RARB: variants seen among roughly 807,000 people sequenced by gnomAD.
RARB encodes HBV-activated protein.
A neutral mutation model predicts 51.9 loss-of-function variants in RARB; 17 were observed. The ratio of observed to expected loss-of-function variants is 0.33; its 90% CI spans 0.22 to 0.49. The LOEUF is 0.49. Among genes scored for constraint, RARB ranks in the 20% least tolerant of loss-of-function variants. The probability of loss-of-function intolerance (pLI) is 0.99; values close to 1 mark genes in which losing one functional copy is unlikely to be tolerated. For synonymous variants in RARB, 215 were observed against 195.4 expected, an observed-to-expected ratio of 1.10 and a Z score of -0.84; for missense variants, 369 against 550.8, an observed-to-expected ratio of 0.67 and a Z score of 3.30.
At chr3:25,151,412 G>C (rs373042040) in intron 4 of RARB, among the ~76,000 whole-genome samples, 1 of 152,174 alleles carries the variant, frequency 6.6e-6, no homozygotes, top group East Asian at 1.9e-4. Flanking sequence ...CCAGGGCAGG[G>C]AAAGACATTA....
intron 5 of RARB, among the ~76,000 whole-genome samples, chr3:25,208,255 A>C (rs766845902): frequency 6.6e-6 from 1 of 152,244 alleles, no homozygotes; most frequent in South Asian, 2.1e-4. Flanking sequence ...TATTGTTCTG[A>C]ATGAGACGCT....
At chr3:25,360,086 C>A (rs1705880338) in intron 5 of RARB, among the ~76,000 whole-genome samples, 1 of 152,120 alleles carries the variant, frequency 6.6e-6, no homozygotes, top group Non-Finnish European at 1.5e-5. Context: ...GTTAAAGTTT[C>A]CCAATATTAT....
rs1697849199 is a variant in RARB at position 25,030,545 on chromosome 3, A to G, written c.-379-29580A>G. 2.6e-5 allele frequency among the ~76,000 whole-genome samples: 4 copies of G among 152,244 alleles called. No homozygotes were observed. The South Asian group carries it at 8.3e-4, about 31-fold the overall frequency. The stretch of plus-strand genomic sequence containing the variant: ...TGAGGTTTAATTTAGTTAAAAGTTT[A>G]TAATTTGTATTATGTTATCTCATGC... On this transcript the variant is annotated intron_variant, in intron 2 of 11. Transcript: ENST00000383772.
At chr3:25,254,797 T>C (rs1039718820) in intron 5 of RARB, among the ~76,000 whole-genome samples, 8 of 152,064 alleles carry the variant, frequency 5.3e-5, no homozygotes, top group African/African-American at 1.4e-4. Context: ...TGTGATGATA[T>C]TTGGACGGAT....
chr3:25,069,730 T>C (rs560571795), intron 3 of RARB, among the ~76,000 whole-genome samples: 13 of 152,342 alleles, frequency 8.5e-5, no homozygotes, highest in African/African-American at 2.4e-4. Context: ...GAAAGTTAGA[T>C]GAATGAGCAG....
intron 2 of RARB, among the ~76,000 whole-genome samples, chr3:24,908,510 T>C (rs1694915939): frequency 6.6e-6 from 1 of 152,096 alleles, no homozygotes; most frequent in South Asian, 2.1e-4. Context: ...TGCAGCTTAG[T>C]TCAACATAAT....
At chr3:25,134,586 A>G (rs1253395083) in intron 4 of RARB, among the ~76,000 whole-genome samples, 1 of 151,962 alleles carries the variant, frequency 6.6e-6, no homozygotes, top group African/African-American at 2.4e-5. Context: ...ACGTGATACT[A>G]TCATATGTGC....
intron 2 of RARB, among the ~76,000 whole-genome samples, chr3:25,030,267 C>T (rs766338275): frequency 6.6e-6 from 1 of 152,208 alleles, no homozygotes; most frequent in Non-Finnish European, 1.5e-5. Flanking sequence ...TTAAAGCCAG[C>T]AGCGCTAGCT....
intron 5 of RARB, among the ~76,000 whole-genome samples, chr3:25,395,723 T>C (rs1274031358): frequency 2.6e-5 from 4 of 152,176 alleles, no homozygotes; most frequent in African/African-American, 9.6e-5. Context: ...TGGATTTCTC[T>C]ATGCTATCTA....
At chr3:25,135,125 C>T (rs570471189) in intron 4 of RARB, among the ~76,000 whole-genome samples, 2 of 151,502 alleles carry the variant, frequency 1.3e-5, no homozygotes, top group South Asian at 4.2e-4. Context: ...GCACACTATC[C>T]AGAAAAACTT....
intron 2 of RARB, among the ~76,000 whole-genome samples, chr3:24,974,026 T>A (rs1003008697): frequency 1.3e-5 from 2 of 152,086 alleles, no homozygotes; most frequent in Non-Finnish European, 2.9e-5. Context: ...CTTGTCTTGT[T>A]CCAGATCTTG....
At chr3:24,864,747 C>A (rs1702817020) in intron 2 of RARB, among the ~76,000 whole-genome samples, 1 of 152,052 alleles carries the variant, frequency 6.6e-6, no homozygotes, top group South Asian at 2.1e-4. Context: ...TAAAAAAGAT[C>A]ATGTTGCCTG....
intron 2 of RARB, among the ~76,000 whole-genome samples, chr3:24,900,498 T>A (rs1051860054): frequency 5.3e-5 from 8 of 152,246 alleles, no homozygotes; most frequent in Non-Finnish European, 7.3e-5. Flanking sequence ...GAGCAAAGAA[T>A]AATTGTCTGT....
At position 24,895,627 on chromosome 3, in the gene RARB, TCC is replaced by T. The variant is rs1358447179; in HGVS notation, c.-380+36876_-380+36877del. On this transcript the variant is annotated intron_variant, in intron 2 of 11. Transcript: ENST00000383772. Reference sequence around the variant, plus strand: ...CTTACAATTGGGTCTTTTTTTTTTTTCCTTGAGAAGGAGTCTCGCTCTTTCAC... The same window carrying T: ...CTTACAATTGGGTCTTTTTTTTTTTTTTGAGAAGGAGTCTCGCTCTTTCAC... Among the ~76,000 whole-genome samples, 141 of 139,034 alleles carry T rather than the reference TCC, an allele frequency of 1.0e-3. 1 individual carries two copies. Among genetic ancestry groups the T allele is most frequent in the African/African-American group, 3.5e-3 (116 of 33,310 alleles). 91.2% of individuals were successfully genotyped at this position (139,034 alleles called of 152,430 possible).
chr3:24,901,997 AT>A (rs1261959379), intron 2 of RARB, among the ~76,000 whole-genome samples: 1 of 151,120 alleles, frequency 6.6e-6, no homozygotes, highest in African/African-American at 2.4e-5. Context: ...TATATATAAA[AT>A]ATAAATATAT....
chr3:25,023,670 G>C (rs187519384), intron 2 of RARB, among the ~76,000 whole-genome samples: 1 of 152,262 alleles, frequency 6.6e-6, no homozygotes, highest in African/African-American at 2.4e-5. Flanking sequence ...GGTGTGTGAA[G>C]TCTATAGATG....
intron 5 of RARB, among the ~76,000 whole-genome samples, chr3:25,354,193 T>G (rs1433702808): frequency 6.6e-6 from 1 of 152,114 alleles, no homozygotes; most frequent in Non-Finnish European, 1.5e-5. Flanking sequence ...GGCGGTAAAC[T>G]TCAAGTTAGA....
intron 5 of RARB, among the ~76,000 whole-genome samples, chr3:25,343,755 C>CA (rs568431812): frequency 1.3e-4 from 20 of 151,896 alleles, no homozygotes; most frequent in Admixed American, 3.9e-4. Flanking sequence ...GATTCCAGGA[C>CA]AAAAAAATCA....
At chr3:25,141,517 A>G (rs1460241491) in intron 4 of RARB, among the ~76,000 whole-genome samples, 1 of 152,194 alleles carries the variant, frequency 6.6e-6, no homozygotes, top group Non-Finnish European at 1.5e-5. Context: ...CTTGCCTCCC[A>G]TTGCCTGGAG....
Sources: allele counts gnomAD v4.1 joint callset (sites outside exome capture counted in the v4.1 genomes callset), GRCh38; gene constraint gnomAD v4.1.1; transcripts MANE v1.5; gene names NCBI Gene and HGNC (gene_info 2026-07-23, HGNC 2026-07-21).